The following GRIA4 variants were observed in gnomAD, a reference collection of about 807,000 sequenced individuals.
GRIA4 encodes the protein glutamate receptor 4.
GRIA4 carries 34 observed loss-of-function variants against 104.0 expected under a neutral mutation model. The ratio of observed to expected loss-of-function variants is 0.33; its 90% CI spans 0.25 to 0.44. GRIA4 has a LOEUF of 0.44. Ranked by LOEUF, GRIA4 falls within the 20% of genes least tolerant of loss-of-function variation. The probability of loss-of-function intolerance (pLI) is 1.00; values close to 1 mark genes in which losing one functional copy is unlikely to be tolerated. For missense variants in GRIA4, 750 were observed against 1,096.5 expected (o/e 0.68, Z 4.46); for synonymous variants, 386 against 381.9 (o/e 1.01, Z -0.13).
At chr11:105,658,718 C>T (rs963004674) in intron 3 of GRIA4, among the ~76,000 whole-genome samples, 10 of 151,864 alleles carry the variant, frequency 6.6e-5, no homozygotes, top group African/African-American at 2.4e-4. Context: ...AGACTCGGCT[C>T]TGAAAGGAGC....
chr11:105,954,877 T>C lies in GRIA4; in HGVS notation c.2295-17037T>C, dbSNP rs1948544709. ...GGTGTATACCAAAATCTCCTTAATC[T>C]TCCCTCTTTTTGATAGGTATATTGC... is the stretch of plus-strand genomic sequence containing the variant. On this transcript the variant is annotated intron_variant, in intron 14 of 16. Transcript: ENST00000282499. Among the ~76,000 whole-genome samples the C allele has an allele frequency of 2.7e-5, 4 of 149,734 alleles. No individual in the cohort carries two copies. In the South Asian group the frequency reaches 8.4e-4, roughly 31 times the overall value.
Position 105,924,396 on chromosome 11 carries a change from T to C in GRIA4, c.1477-3T>C, listed in dbSNP as rs760398807. On this transcript the variant is annotated splice_polypyrimidine_tract_variant and splice_region_variant and intron_variant, in intron 11 of 16. Transcript: ENST00000282499. ...GTGTCTCCATGTGTTTTTTCTCTTA[T>C]AGAAAGCAGAGATTGCTATTGCCCC... 1.0e-5 allele frequency: 16 copies of C among 1,579,054 alleles called. 1 individual carries two copies. In the South Asian group the frequency reaches 1.2e-4, roughly 11 times the overall value.
chr11:105,958,499 G>A (rs893074192), intron 14 of GRIA4, among the ~76,000 whole-genome samples: 2 of 152,174 alleles, frequency 1.3e-5, no homozygotes, highest in African/African-American at 4.8e-5. Context: ...TTGATGTACT[G>A]TTGGATTTGG....
intron 14 of GRIA4, among the ~76,000 whole-genome samples, chr11:105,957,670 G>C (rs1325474564): frequency 6.6e-6 from 1 of 152,124 alleles, no homozygotes; most frequent in Non-Finnish European, 1.5e-5. Flanking sequence ...AGCTTGATGG[G>C]GATGGCATTG....
At chr11:105,822,700 G>A (rs1040357567) in intron 4 of GRIA4, among the ~76,000 whole-genome samples, 5 of 151,952 alleles carry the variant, frequency 3.3e-5, no homozygotes, top group Non-Finnish European at 7.4e-5. Context: ...TTATCCTTGT[G>A]GTATGTTTTA....
intron 3 of GRIA4, among the ~76,000 whole-genome samples, chr11:105,661,140 T>A (rs903159953): frequency 6.6e-6 from 1 of 151,614 alleles, no homozygotes; most frequent in African/African-American, 2.4e-5. Context: ...AATATATTAC[T>A]TAATGATACA....
At chr11:105,712,038 T>C (rs2135550794) in intron 3 of GRIA4, among the ~76,000 whole-genome samples, 1 of 152,284 alleles carries the variant, frequency 6.6e-6, no homozygotes, top group South Asian at 2.1e-4. Flanking sequence ...AGATTAAATT[T>C]AAAATCTTTA....
intron 3 of GRIA4, among the ~76,000 whole-genome samples, chr11:105,675,828 T>C (rs1952518183): frequency 6.6e-6 from 1 of 151,832 alleles, no homozygotes; most frequent in Non-Finnish European, 1.5e-5. Context: ...AAATTACATA[T>C]TTTGATATTT....
intron 3 of GRIA4, among the ~76,000 whole-genome samples, chr11:105,650,921 T>C (rs548411545): frequency 6.6e-6 from 1 of 152,324 alleles, no homozygotes; most frequent in South Asian, 2.1e-4. Flanking sequence ...AGCAAGATTA[T>C]ATCGGTCAAC....
intron 14 of GRIA4, among the ~76,000 whole-genome samples, chr11:105,936,237 T>C (rs1948031278): frequency 6.6e-6 from 1 of 152,198 alleles, no homozygotes; most frequent in Admixed American, 6.5e-5. Flanking sequence ...AGAGATGGAC[T>C]AATAGTCACC....
chr11:105,949,418 T>C (rs1000530282), intron 14 of GRIA4, among the ~76,000 whole-genome samples: 1 of 152,182 alleles, frequency 6.6e-6, no homozygotes, highest in African/African-American at 2.4e-5. Context: ...AGTTCTTGCA[T>C]AACAACTATA....
At chr11:105,673,944 C>A (rs1290987506) in intron 3 of GRIA4, among the ~76,000 whole-genome samples, 1 of 151,810 alleles carries the variant, frequency 6.6e-6, no homozygotes, top group Non-Finnish European at 1.5e-5. Flanking sequence ...TTTTTAAATG[C>A]AAATGAATTT....
At chr11:105,682,306 A>T (rs1952736067) in intron 3 of GRIA4, among the ~76,000 whole-genome samples, 1 of 152,070 alleles carries the variant, frequency 6.6e-6, no homozygotes, top group South Asian at 2.1e-4. Context: ...CTGCAGCCTC[A>T]AACTTCTGGT....
intron 14 of GRIA4, among the ~76,000 whole-genome samples, chr11:105,969,432 G>A (rs1252058262): frequency 6.6e-6 from 1 of 152,114 alleles, no homozygotes; most frequent in Non-Finnish European, 1.5e-5. Context: ...TATATTCAAA[G>A]TGTTAATCTA....
intron 14 of GRIA4, among the ~76,000 whole-genome samples, chr11:105,969,160 G>A (rs1373736340): frequency 6.6e-6 from 1 of 152,092 alleles, no homozygotes; most frequent in Non-Finnish European, 1.5e-5. Flanking sequence ...GAAGAATACA[G>A]CCCATTTCTG....
chr11:105,703,374 C>T (rs561928708), intron 3 of GRIA4, among the ~76,000 whole-genome samples: 1 of 152,226 alleles, frequency 6.6e-6, no homozygotes, highest in African/African-American at 2.4e-5. Context: ...ATAATGTAGC[C>T]TTACCAATTG....
chr11:105,717,587 C>T (rs1230909522), intron 3 of GRIA4, among the ~76,000 whole-genome samples: 1 of 151,836 alleles, frequency 6.6e-6, no homozygotes, highest in Non-Finnish European at 1.5e-5. Flanking sequence ...AGTACAAATT[C>T]CAATGGTAAT....
At chr11:105,897,113 G>A (rs967284124) in intron 6 of GRIA4, among the ~76,000 whole-genome samples, 6 of 152,166 alleles carry the variant, frequency 3.9e-5, no homozygotes, top group Middle Eastern at 6.8e-3. Context: ...TTTCCTTATA[G>A]AGGTCTCTAA....
chr11:105,817,480 T>TA (rs1230818086), intron 4 of GRIA4, among the ~76,000 whole-genome samples: 1 of 151,592 alleles, frequency 6.6e-6, no homozygotes, highest in African/African-American at 2.4e-5. Flanking sequence ...AGTAAAGTAA[T>TA]AGTTTTTAAA....
Sources: gnomAD v4.1 joint callset for allele counts (sites outside exome capture counted in the v4.1 genomes callset) on GRCh38, gnomAD v4.1.1 for gene constraint, MANE v1.5 for transcripts, NCBI Gene and HGNC (gene_info 2026-07-23, HGNC 2026-07-21) for gene names.